TAFA4: variants seen among roughly 807,000 people sequenced by gnomAD.
TAFA4 encodes the protein TAFA chemokine like family member 4.
TAFA4 carries 20 observed loss-of-function variants against 21.1 expected under a neutral mutation model. The ratio of observed to expected loss-of-function variants is 0.95; its 90% CI spans 0.67 to 1.38. TAFA4 has a LOEUF of 1.38. Among genes scored for constraint, TAFA4 ranks in the 40% most tolerant of loss-of-function variants. TAFA4 has a pLI of 0.00. For missense variants in TAFA4, 211 were observed against 180.9 expected, an observed-to-expected ratio of 1.17 and a Z score of -0.95; for synonymous variants, 71 against 67.4, an observed-to-expected ratio of 1.05 and a Z score of -0.26.
At chr3:68,797,512 C>T (rs978088410) in intron 3 of TAFA4, among the ~76,000 whole-genome samples, 5 of 149,806 alleles carry the variant, frequency 3.3e-5, no homozygotes, top group Non-Finnish European at 7.4e-5. Context: ...ACTTGGGAGG[C>T]TGAGGCAGGA....
intron 3 of TAFA4, among the ~76,000 whole-genome samples, chr3:68,775,144 G>C (rs1703025997): frequency 6.6e-6 from 1 of 152,172 alleles, no homozygotes; most frequent in Non-Finnish European, 1.5e-5. Flanking sequence ...TCAGATTTTA[G>C]CTATTTGTTA....
intron 3 of TAFA4, among the ~76,000 whole-genome samples, chr3:68,754,513 C>G (rs530528134): frequency 1.2e-4 from 18 of 152,252 alleles, no homozygotes; most frequent in Non-Finnish European, 2.5e-4. Flanking sequence ...AGAAGTGATT[C>G]TATATTCTCA....
intron 1 of TAFA4, among the ~76,000 whole-genome samples, chr3:68,886,232 T>C (rs1303358554): frequency 6.6e-6 from 1 of 152,208 alleles, no homozygotes; most frequent in East Asian, 1.9e-4. Context: ...ACAAGTTTGA[T>C]TAGAGAACAC....
intron 5 of TAFA4, among the ~76,000 whole-genome samples, chr3:68,735,120 A>G (rs1441528591): frequency 6.6e-6 from 1 of 152,110 alleles, no homozygotes; most frequent in Non-Finnish European, 1.5e-5. Context: ...GACTATAGAG[A>G]TCAGGGAAGA....
chr3:68,733,198 C>G (rs374501359), intron 5 of TAFA4, 45 bp from the exon 6 acceptor site: 2 of 1,598,720 alleles, frequency 1.3e-6, no homozygotes, highest in East Asian at 2.2e-5. Flanking sequence ...TCTATACCCA[C>G]CGAAATAACC....
chr3:68,845,274 G>C (rs11914349), intron 3 of TAFA4, among the ~76,000 whole-genome samples: 72,968 of 151,762 alleles, frequency 0.48, 18,075 homozygotes, highest in African/African-American at 0.58. Context: ...ATGCCCTTGT[G>C]TTTTTTTTAA....
At chr3:68,856,842 G>T (rs1705081147) in intron 3 of TAFA4, among the ~76,000 whole-genome samples, 1 of 152,034 alleles carries the variant, frequency 6.6e-6, no homozygotes, top group Non-Finnish European at 1.5e-5. Context: ...GGAGGGGAAG[G>T]ATAAAGCTTT....
chr3:68,872,621 A>T (rs932353116), intron 3 of TAFA4, among the ~76,000 whole-genome samples: 2 of 152,138 alleles, frequency 1.3e-5, no homozygotes, highest in Non-Finnish European at 2.9e-5. Context: ...TCCTGGTTTG[A>T]TCATTACACA....
At chr3:68,920,321 A>G (rs1258098343) in intron 1 of TAFA4, among the ~76,000 whole-genome samples, 1 of 152,256 alleles carries the variant, frequency 6.6e-6, no homozygotes, top group Admixed American at 6.5e-5. Context: ...GTAACCATAC[A>G]TAACTAACAT....
chr3:68,902,101 C>G (rs2106985828), intron 1 of TAFA4, among the ~76,000 whole-genome samples: 1 of 152,290 alleles, frequency 6.6e-6, no homozygotes, highest in East Asian at 1.9e-4. Context: ...CTCATTTAAT[C>G]CCCTCTAATG....
intron 3 of TAFA4, among the ~76,000 whole-genome samples, chr3:68,834,387 T>C (rs920518053): frequency 7.9e-5 from 12 of 152,188 alleles, no homozygotes; most frequent in Admixed American, 7.9e-4. Flanking sequence ...AACTTTTTTG[T>C]TAATTTATCT....
intron 5 of TAFA4, among the ~76,000 whole-genome samples, chr3:68,737,203 C>T (rs1412611253): frequency 6.6e-6 from 1 of 152,048 alleles, no homozygotes; most frequent in African/African-American, 2.4e-5. Context: ...GGATGTAATA[C>T]CCTAATTCGT....
intron 3 of TAFA4, among the ~76,000 whole-genome samples, chr3:68,757,823 T>C (rs1702686296): frequency 6.6e-6 from 1 of 152,206 alleles, no homozygotes; most frequent in South Asian, 2.1e-4. Context: ...ACAATTATAA[T>C]TGACACTGCT....
chr3:68,863,448 C>G (rs1456835482), intron 3 of TAFA4, among the ~76,000 whole-genome samples: 1 of 152,088 alleles, frequency 6.6e-6, no homozygotes, highest in Non-Finnish European at 1.5e-5. Context: ...AGACAAGAGA[C>G]ACTTTATCCA....
At chr3:68,896,070 T>C (rs2087514) in intron 1 of TAFA4, among the ~76,000 whole-genome samples, 35,258 of 151,852 alleles carry the variant, frequency 0.23, 5,102 homozygotes, top group East Asian at 0.61. Context: ...AAGCTTGGTG[T>C]GTTCAGGAGC....
chr3:68,731,833 A>G lies in TAFA4; in HGVS notation c.*1309T>C, dbSNP rs1702153605. ...TAACAAATATTCAAAAATTACGCCA[A>G]CAAATCTTTCCATTCCTTTCCATTC... On this transcript the variant is annotated 3_prime_UTR_variant, in exon 6 of 6. Transcript: ENST00000295569. The G allele has an allele frequency of 6.6e-6, 1 of 152,130 alleles. No homozygotes were observed. The highest frequency in any genetic ancestry group is 1.5e-5 in the Non-Finnish European group (1 of 68,014). The allele number at this position is 152,130 out of a possible 1,614,324, so 9.4% of individuals were successfully genotyped here.
At chr3:68,748,465 G>T (rs1008975702) in intron 4 of TAFA4, among the ~76,000 whole-genome samples, 1 of 152,148 alleles carries the variant, frequency 6.6e-6, no homozygotes, top group Admixed American at 6.5e-5. Flanking sequence ...AAAGTGGGCC[G>T]GGTGCGGTGG....
chr3:68,739,055 T>TGCATTTTGTCTATAC lies in TAFA4; in HGVS notation c.411+5_411+19dup. On this transcript the variant is annotated intron_variant, in intron 5 of 5. Coordinates refer to ENST00000295569, the MANE Select transcript of TAFA4 (RefSeq NM_182522.5). ...CAGTTGATAACTTGTAAATTGTAGT[T>TGCATTTTGTCTATAC]GCATTTTGTCTATACTTGCCTTCGT... 6.2e-7 allele frequency: 1 copy of TGCATTTTGTCTATAC among 1,611,426 alleles called. No homozygotes were observed. Among genetic ancestry groups the TGCATTTTGTCTATAC allele is most frequent in the Non-Finnish European group, 8.5e-7 (1 of 1,179,044 alleles).
At position 68,804,203 on chromosome 3, in the gene TAFA4, C is replaced by T. The variant is rs547612303; in HGVS notation, c.131-51185G>A. ...TAAGGAAAACATAAAAGTAAATCAC[C>T]AATCCACACTTTTAAAGCATCTCTG... On this transcript the variant is annotated intron_variant, in intron 3 of 5. Transcript: ENST00000295569. Among the ~76,000 whole-genome samples the T allele has an allele frequency of 2.0e-5, 3 of 152,104 alleles. No homozygotes were observed. The South Asian group carries it at 6.2e-4, about 32-fold the overall frequency.
Sources: allele counts gnomAD v4.1 joint callset (sites outside exome capture counted in the v4.1 genomes callset), GRCh38; gene constraint gnomAD v4.1.1; transcripts MANE v1.5; gene names NCBI Gene and HGNC (gene_info 2026-07-23, HGNC 2026-07-21).